Variants in PCBP3 observed in about 807,000 individuals in gnomAD.
The protein encoded by PCBP3 is poly(rC) binding protein 3, also known as poly(rC)-binding protein 3.
A neutral mutation model predicts 52.7 loss-of-function variants in PCBP3; 25 were observed. That is an observed-to-expected ratio of 0.47 (90% CI 0.35 to 0.66). The LOEUF is 0.66. PCBP3 is among the 30% of genes least tolerant of loss of function. The probability of loss-of-function intolerance (pLI) is 0.01; values close to 1 mark genes in which losing one functional copy is unlikely to be tolerated. For synonymous variants in PCBP3, 162 were observed against 183.0 expected, an observed-to-expected ratio of 0.89 and a Z score of 0.93; for missense variants, 391 against 490.3, an observed-to-expected ratio of 0.80 and a Z score of 1.91.
At chr21:45,792,799 G>T (rs996612133) in intron 4 of PCBP3, among the ~76,000 whole-genome samples, 2 of 152,198 alleles carry the variant, frequency 1.3e-5, no homozygotes, top group Non-Finnish European at 2.9e-5. Flanking sequence ...GAGAGGGCTG[G>T]CTGGCAGCAC....
intron 4 of PCBP3, among the ~76,000 whole-genome samples, chr21:45,772,441 A>T (rs1402940044): frequency 2.0e-5 from 3 of 152,162 alleles, no homozygotes; most frequent in African/African-American, 7.2e-5. Flanking sequence ...TATATATACT[A>T]CATCTTCTCT....
At chr21:45,889,851 T>C (rs965451799) in intron 5 of PCBP3, among the ~76,000 whole-genome samples, 49 of 152,220 alleles carry the variant, frequency 3.2e-4, no homozygotes, top group African/African-American at 1.2e-3. Flanking sequence ...TCCCCCCAGA[T>C]TCTCTCCAGT....
intron 2 of PCBP3, among the ~76,000 whole-genome samples, chr21:45,675,718 G>A (rs1430285820): frequency 6.6e-6 from 1 of 151,992 alleles, no homozygotes; most frequent in Non-Finnish European, 1.5e-5. Flanking sequence ...ACCTTTCAGG[G>A]GGCTCATAAG....
chr21:45,651,600 A>C (rs970354306), intron 1 of PCBP3, among the ~76,000 whole-genome samples: 1 of 152,220 alleles, frequency 6.6e-6, no homozygotes, highest in Non-Finnish European at 1.5e-5. Flanking sequence ...GCTGCATACT[A>C]TTCCAAAGAG....
chr21:45,939,266 A>G (rs977533920), intron 16 of PCBP3, among the ~76,000 whole-genome samples: 3 of 152,200 alleles, frequency 2.0e-5, no homozygotes, highest in African/African-American at 4.8e-5. Context: ...GTTCCATCCA[A>G]TGGTGGGCAT....
intron 4 of PCBP3, among the ~76,000 whole-genome samples, chr21:45,764,532 A>C (rs1020101858): frequency 6.6e-6 from 1 of 152,148 alleles, no homozygotes; most frequent in African/African-American, 2.4e-5. Context: ...CCTATTTCTG[A>C]CCACTTCCGT....
rs2073757613 is a variant in PCBP3, at chr21:45,917,859, G to C, written c.717+230G>C. On this transcript the variant is annotated intron_variant, in intron 13 of 17. Transcript: ENST00000681687. This position sits in a 1 kb window ranked among gnomAD's most constrained non-coding sequence, Gnocchi z 5.3. ...CCTGATGTCAAATTGTCTCAATTCT[G>C]CCGCAGTCCTGGGTTTTCCTCCCTC... 4 of 569,948 alleles carry C rather than the reference G, an allele frequency of 7.0e-6. No individual in the cohort carries two copies. The highest frequency in any genetic ancestry group is 4.6e-5 in the Admixed American group (2 of 43,078). The allele number at this position is 569,948 out of a possible 1,614,324, so 35.3% of individuals were successfully genotyped here.
intron 3 of PCBP3, among the ~76,000 whole-genome samples, chr21:45,740,621 A>AGTGTGT (rs34229652): frequency 0.2 from 30,670 of 150,366 alleles, 3,401 homozygotes; most frequent in Middle Eastern, 0.32. Flanking sequence ...TGGTGTGTGT[A>AGTGTGT]GTGTGTGTGT....
intron 5 of PCBP3, among the ~76,000 whole-genome samples, chr21:45,876,869 G>T (rs574795002): frequency 1.3e-5 from 2 of 152,356 alleles, no homozygotes; most frequent in South Asian, 2.1e-4. Context: ...GGCCAGAGCC[G>T]CTGGCTGCGA....
rs1272471500 is a variant in PCBP3, at chr21:45,738,257, GT to G, written c.-162+2845del. 1.3e-3 allele frequency among the ~76,000 whole-genome samples: 181 copies of G among 139,906 alleles called. 1 individual carries two copies. The highest frequency in any genetic ancestry group is 5.7e-3 in the South Asian group (25 of 4,376). The allele number at this position is 139,906 out of a possible 152,430, so 91.8% of individuals were successfully genotyped here. ...CTGAATTGGTTATTTGCTTCTTAGA[GT>G]TTTTTTTTTTTTTTTTGAGACAGTC... On this transcript the variant is annotated intron_variant, in intron 3 of 17. Coordinates refer to ENST00000681687, the MANE Select transcript of PCBP3 (RefSeq NM_001384156.1).
intron 5 of PCBP3, among the ~76,000 whole-genome samples, chr21:45,869,958 A>AT (rs1290365130): frequency 6.6e-6 from 1 of 152,138 alleles, no homozygotes; most frequent in Non-Finnish European, 1.5e-5. Context: ...TTTTAGTCGG[A>AT]TTTTTTTAGC....
In PCBP3 at chr21:45,808,045, C is replaced by T. The variant is rs1355721702; in HGVS notation, c.-125-41916C>T. On this transcript the variant is annotated intron_variant, in intron 4 of 17. Coordinates refer to ENST00000681687, the MANE Select transcript of PCBP3 (RefSeq NM_001384156.1). ...TCCTTACACCTTATACAAAAATTAACTCAAGATGGATTAAAGACTTACATA... is the reference window on the plus strand; with the variant it reads ...TCCTTACACCTTATACAAAAATTAATTCAAGATGGATTAAAGACTTACATA... 2.6e-5 allele frequency among the ~76,000 whole-genome samples: 4 copies of T among 152,100 alleles called. No individual in the cohort carries two copies. The South Asian group carries it at 6.2e-4, about 24-fold the overall frequency.
intron 2 of PCBP3, among the ~76,000 whole-genome samples, chr21:45,672,803 C>G (rs1254696977): frequency 6.6e-6 from 1 of 152,150 alleles, no homozygotes; most frequent in African/African-American, 2.4e-5. Flanking sequence ...TCTTGGGGAG[C>G]AGAGGGATAG....
rs115665373 is a variant in PCBP3, at chr21:45,824,168, G to A, written c.-125-25793G>A. 1.9e-3 allele frequency among the ~76,000 whole-genome samples: 285 copies of A among 152,266 alleles called. 2 individuals carry two copies. Among genetic ancestry groups the A allele is most frequent in the African/African-American group, 6.7e-3 (278 of 41,560 alleles). ...CATTGTCTTGGGCAGGGGATGTGCT[G>A]AGCCCCTCACTCTGCCTCCTGGGAG... On this transcript the variant is annotated intron_variant, in intron 4 of 17. Coordinates refer to ENST00000681687, the MANE Select transcript of PCBP3 (RefSeq NM_001384156.1).
intron 6 of PCBP3, among the ~76,000 whole-genome samples, chr21:45,897,898 TC>T (rs1304069063): frequency 1.3e-5 from 2 of 152,300 alleles, no homozygotes; most frequent in African/African-American, 4.8e-5. Flanking sequence ...CCCCAGTTCT[TC>T]CTGCCTCAGG....
At chr21:45,644,551 G>A (rs913697508) in intron 1 of PCBP3, among the ~76,000 whole-genome samples, 1 of 151,906 alleles carries the variant, frequency 6.6e-6, no homozygotes, top group Non-Finnish European at 1.5e-5. Flanking sequence ...TTCCCTCCGC[G>A]CCACTCTGAA....
intron 10 of PCBP3, 142 bp from the exon 11 acceptor site, chr21:45,910,760 C>T (rs539089753): frequency 1.2e-4 from 88 of 744,630 alleles, no homozygotes; most frequent in African/African-American, 1.0e-3. Context: ...GCTGGGATGG[C>T]GGTGGGGGAG....
intron 2 of PCBP3, among the ~76,000 whole-genome samples, chr21:45,734,715 G>A (rs994290822): frequency 1.3e-5 from 2 of 152,152 alleles, no homozygotes; most frequent in Non-Finnish European, 2.9e-5. Context: ...TCTGGGGATC[G>A]TTGTCCTGTG....
At chr21:45,890,486 G>A (rs557937162) in intron 5 of PCBP3, among the ~76,000 whole-genome samples, 1 of 151,828 alleles carries the variant, frequency 6.6e-6, no homozygotes, top group Non-Finnish European at 1.5e-5. Context: ...GGGGAATGTA[G>A]ATAATAGAAC....
Sources: gnomAD v4.1 joint callset for allele counts (sites outside exome capture counted in the v4.1 genomes callset) on GRCh38, gnomAD v4.1.1 for gene constraint, Gnocchi (gnomAD v3.1) non-coding constraint, MANE v1.5 for transcripts, NCBI Gene and HGNC (gene_info 2026-07-23, HGNC 2026-07-21) for gene names.